The following LPO variants were observed in gnomAD, a reference collection of about 807,000 sequenced individuals.
LPO encodes salivary peroxidase.
A neutral mutation model predicts 68.4 loss-of-function variants in LPO; 70 were observed. That is an observed-to-expected ratio of 1.02 (90% CI 0.84 to 1.25). The LOEUF is 1.25. LPO is among the 50% of genes most tolerant of loss of function. The pLI is 0.00. For missense variants in LPO, 873 were observed against 908.4 expected (o/e 0.96, Z 0.50); for synonymous variants, 360 against 357.6 (o/e 1.01, Z -0.08).
At chr17:58,244,156 A>C in intron 3 of LPO, 75 bp downstream of exon 3, 1 of 1,278,960 alleles carries the variant, frequency 7.8e-7, no homozygotes, top group Non-Finnish European at 1.1e-6. Flanking sequence ...CTTCCTGTTC[A>C]TGACAAGCAC....
At position 58,264,782 on chromosome 17, in the gene LPO, C is replaced by A. The variant is rs767707831; in HGVS notation, c.1327C>A (p.Pro443Thr). Reference sequence around the variant, plus strand: ...AGGTGACCACATGCAGAAGTGGATACCCCCATATCAAGGCTACAGTGAATC... The same window carrying A: ...AGGTGACCACATGCAGAAGTGGATAACCCCATATCAAGGCTACAGTGAATC... The part of the protein sequence containing the change: ...LLGDHMQKWI[P>T]PYQGYSESVD... Residue 443 changes from proline (P) to threonine (T), a missense_variant, in exon 10 of 13, where the codon CCC becomes ACC. Physicochemically the swap from Pro to Thr is conservative, Grantham distance 38. Coordinates refer to ENST00000262290, the MANE Select transcript of LPO (RefSeq NM_006151.3). 5 of 1,614,164 alleles carry A rather than the reference C, an allele frequency of 3.1e-6. No individual in the cohort carries two copies. The highest frequency in any genetic ancestry group is 1.7e-5 in the Admixed American group (1 of 60,024).
rs200716527 is a variant in LPO, at chr17:58,244,075, G to A, written c.158G>A (p.Arg53Gln). 165 of 1,593,638 alleles carry A rather than the reference G, an allele frequency of 1.0e-4. No individual in the cohort carries two copies. Among genetic ancestry groups the A allele is most frequent in the Non-Finnish European group, 1.4e-4 (160 of 1,167,074 alleles). ...GTCAACAAGGCCTTCCTGGACTCCC[G>A]AACCAGGTACGTGAGACACACACAC... ...VQVNKAFLDS[R>Q]TRLKTAMSSE... Residue 53 changes from arginine (R) to glutamine (Q), a missense_variant, in exon 3 of 13, where the codon CGA (arginine) becomes CAA (glutamine). Physicochemically the swap from Arg to Gln is conservative, Grantham distance 43. Coordinates refer to ENST00000262290, the MANE Select transcript of LPO (RefSeq NM_006151.3).
At chr17:58,252,556 G>A (rs767499246) in intron 8 of LPO, 50 bp downstream of exon 8, 5 of 1,550,538 alleles carry the variant, frequency 3.2e-6, no homozygotes, top group East Asian at 2.3e-5. Flanking sequence ...GGATTATCCA[G>A]GGAAGCTTTA....
At chr17:58,244,966 G>A (rs988378118) in intron 3 of LPO, among the ~76,000 whole-genome samples, 2 of 151,592 alleles carry the variant, frequency 1.3e-5, no homozygotes, top group Admixed American at 6.6e-5. Context: ...GAGAAAAAAA[G>A]TAACCTTATT....
chr17:58,260,917 T>C (rs1416513436), intron 9 of LPO, among the ~76,000 whole-genome samples: 1 of 152,220 alleles, frequency 6.6e-6, no homozygotes, highest in Non-Finnish European at 1.5e-5. Flanking sequence ...GAGTGTTATT[T>C]AATTTCCAAG....
At chr17:58,252,012 T>G in intron 7 of LPO, 170 bp from the exon 8 acceptor site, 1 of 767,662 alleles carries the variant, frequency 1.3e-6, no homozygotes, top group Non-Finnish European at 2.4e-6. Context: ...CAGGATATTA[T>G]GAGCCCAGGG....
chr17:58,255,335 A>G (rs1374282690), intron 9 of LPO, among the ~76,000 whole-genome samples: 1 of 152,292 alleles, frequency 6.6e-6, no homozygotes, highest in African/African-American at 2.4e-5. Context: ...TTAATTGTCT[A>G]CATCTACGCC....
chr17:58,257,077 G>T lies in LPO; in HGVS notation c.1266+2106G>T, dbSNP rs531004985. On this transcript the variant is annotated intron_variant, in intron 9 of 12. Coordinates refer to ENST00000262290, the MANE Select transcript of LPO (RefSeq NM_006151.3). ...GCCTCCTGAGTAGCTGGGGTTTCAG[G>T]CACCTGCCACCACGTCCTGCTGATT... is the stretch of plus-strand genomic sequence containing the variant. 5.5e-5 allele frequency among the ~76,000 whole-genome samples: 8 copies of T among 144,682 alleles called. No homozygotes were observed. The South Asian group carries it at 1.7e-3, about 32-fold the overall frequency. The allele number at this position is 144,682 out of a possible 152,430, so 94.9% of individuals were successfully genotyped here.
At chr17:58,243,472 G>C (rs918786162) in intron 2 of LPO, 1 of 216,934 alleles carries the variant, frequency 4.6e-6, no homozygotes, top group Admixed American at 5.3e-5. Flanking sequence ...ATGCAGATGT[G>C]AATTTTGGGA....
chr17:58,241,125 C>CTTTTTTTT lies in LPO; in HGVS notation c.-2-1837_-2-1830dup, dbSNP rs1161572564. 2.3e-3 allele frequency among the ~76,000 whole-genome samples: 214 copies of CTTTTTTTT among 91,298 alleles called. 1 individual carries two copies. Among genetic ancestry groups the CTTTTTTTT allele is most frequent in the African/African-American group, 3.9e-3 (89 of 22,874 alleles). 59.9% of individuals were successfully genotyped at this position (91,298 alleles called of 152,430 possible). A position where few individuals can be genotyped will look rare whatever the true frequency, so the allele number is the denominator to read the frequency against. On this transcript the variant is annotated intron_variant, in intron 1 of 12. Coordinates refer to ENST00000262290, the MANE Select transcript of LPO (RefSeq NM_006151.3). ...TTGTTGTTCTTTTCTTTTCTTTTTTCTTTTTTTTTTTTTTTTTTTTTTTGA... is the reference window on the plus strand; with the variant it reads ...TTGTTGTTCTTTTCTTTTCTTTTTTCTTTTTTTTTTTTTTTTTTTTTTTTTTTTTTTGA...
In LPO at chr17:58,243,627, A is replaced by T. The variant is rs1567816058; in HGVS notation, c.77-367A>T. 3 of 306,938 alleles carry T rather than the reference A, an allele frequency of 9.8e-6. No homozygotes were observed. The East Asian group carries it at 2.4e-4, about 24-fold the overall frequency. 19.0% of individuals were successfully genotyped at this position (306,938 alleles called of 1,614,324 possible). On this transcript the variant is annotated intron_variant, in intron 2 of 12. Transcript: ENST00000262290. Reference sequence around the variant, plus strand: ...TCTGTACGTCAGGGTCCTGGTGATCAGTGGGTCCTCTTTGATGAACTTGAG... The same window carrying T: ...TCTGTACGTCAGGGTCCTGGTGATCTGTGGGTCCTCTTTGATGAACTTGAG...
chr17:58,241,125 C>CTTTTT (rs1161572564), intron 1 of LPO, among the ~76,000 whole-genome samples: 23 of 91,278 alleles, frequency 2.5e-4, no homozygotes, highest in Non-Finnish European at 3.2e-4. Context: ...TTTCTTTTTT[C>CTTTTT]TTTTTTTTTT....
intron 2 of LPO, chr17:58,243,495 A>C: frequency 4.5e-6 from 1 of 220,292 alleles, no homozygotes; most frequent in Non-Finnish European, 9.0e-6. Context: ...GCCATTATTT[A>C]ACCCACTACA....
At chr17:58,243,666 C>T (rs919016237) in intron 2 of LPO, 1 of 396,712 alleles carries the variant, frequency 2.5e-6, no homozygotes, top group African/African-American at 2.0e-5. Flanking sequence ...GTCCACAAGA[C>T]CATCTCACCA....
rs1245826912 is a variant in LPO, at chr17:58,268,061, G to C, written c.*67G>C. The C allele has an allele frequency of 6.6e-7, 1 of 1,506,010 alleles. No individual in the cohort carries two copies. Among genetic ancestry groups the C allele is most frequent in the Non-Finnish European group, 9.2e-7 (1 of 1,090,776 alleles). The allele number at this position is 1,506,010 out of a possible 1,614,324, so 93.3% of individuals were successfully genotyped here. ...CCATTTCAAGCAAGTTCAATGACCT[G>C]GTCCCTTAGAGCTCCATATCCCAGT... On this transcript the variant is annotated 3_prime_UTR_variant, in exon 13 of 13. Transcript: ENST00000262290.
chr17:58,241,977 G>A (rs1969767964), intron 1 of LPO, among the ~76,000 whole-genome samples: 1 of 152,164 alleles, frequency 6.6e-6, no homozygotes, highest in Admixed American at 6.5e-5. Flanking sequence ...TGGCTGGGGG[G>A]CAACCTGAGG....
chr17:58,267,140 A>C (rs747400008), intron 11 of LPO, among the ~76,000 whole-genome samples: 1 of 152,242 alleles, frequency 6.6e-6, no homozygotes, highest in Non-Finnish European at 1.5e-5. Context: ...CATAACTTTC[A>C]TGATTGCTTA....
At position 58,244,090 on chromosome 17, in the gene LPO, GACACACACAC is replaced by G. The variant is rs67390833; in HGVS notation, c.164+42_164+51del. On this transcript the variant is annotated intron_variant, in intron 3 of 12. Coordinates refer to ENST00000262290, the MANE Select transcript of LPO (RefSeq NM_006151.3). ...CTGGACTCCCGAACCAGGTACGTGA[GACACACACAC>G]ACACACACACACACACACACACACA... 1,538 of 1,061,174 alleles carry G rather than the reference GACACACACAC, an allele frequency of 1.4e-3. 4 individuals are homozygous for G. Among genetic ancestry groups the G allele is most frequent in the Admixed American group, 2.7e-3 (146 of 53,206 alleles). 65.7% of individuals were successfully genotyped at this position (1,061,174 alleles called of 1,614,324 possible).
At chr17:58,243,737 C>T (rs1258096861) in intron 2 of LPO, 15 of 541,754 alleles carry the variant, frequency 2.8e-5, no homozygotes, top group African/African-American at 1.9e-5. Flanking sequence ...CACACTCCCT[C>T]TTCATCCCAT....
Sources: allele counts gnomAD v4.1 joint callset (sites outside exome capture counted in the v4.1 genomes callset), GRCh38; gene constraint gnomAD v4.1.1; transcripts MANE v1.5; gene names NCBI Gene and HGNC (gene_info 2026-07-23, HGNC 2026-07-21).